Variants in RAB38 observed in about 807,000 individuals in gnomAD.
RAB38 encodes the protein ras-related protein Rab-38.
In RAB38, 15 loss-of-function variants were observed where a neutral mutation model predicts 18.4. The ratio of observed to expected loss-of-function variants is 0.82; its 90% CI spans 0.55 to 1.26. RAB38 has a LOEUF of 1.26. RAB38 is among the 50% of genes most tolerant of loss of function. RAB38 has a pLI of 0.00. For synonymous variants in RAB38, 101 were observed against 104.4 expected (o/e 0.97, Z 0.20); for missense variants, 294 against 267.4 (o/e 1.10, Z -0.69).
chr11:87,860,648 C>T, the RAB38 span, among the ~76,000 whole-genome samples: 4 of 151,702 alleles, frequency 2.6e-5, no homozygotes, highest in Middle Eastern at 3.4e-3. Context: ...GCTGAGTGAC[C>T]GATTGTTTCA....
chr11:87,947,094 G>C, the RAB38 span, among the ~76,000 whole-genome samples: 10 of 152,138 alleles, frequency 6.6e-5, no homozygotes, highest in Non-Finnish European at 1.2e-4. Context: ...TAACTGGTGT[G>C]AGATGGTATC....
chr11:87,910,047 A>C, the RAB38 span, among the ~76,000 whole-genome samples: 28 of 152,198 alleles, frequency 1.8e-4, 1 homozygote, highest in African/African-American at 6.5e-4. Context: ...AGTTTCATTT[A>C]CTCAGCACCC....
chr11:88,108,069 C>G, the RAB38 span, among the ~76,000 whole-genome samples: 2 of 151,954 alleles, frequency 1.3e-5, no homozygotes, highest in Non-Finnish European at 2.9e-5. Context: ...ATAAGTGCAA[C>G]GTGGTGCTAA....
chr11:88,099,623 A>C, the RAB38 span, among the ~76,000 whole-genome samples: 25 of 151,994 alleles, frequency 1.6e-4, no homozygotes, highest in Middle Eastern at 0.014. Context: ...CTCCTCACCC[A>C]AACACATAGC....
At chr11:87,865,822 A>G in the RAB38 span, among the ~76,000 whole-genome samples, 1 of 151,774 alleles carries the variant, frequency 6.6e-6, no homozygotes, top group Non-Finnish European at 1.5e-5. Flanking sequence ...ATTTGTAGTC[A>G]CTAGAATTTC....
the RAB38 span, among the ~76,000 whole-genome samples, chr11:87,951,562 C>T: frequency 6.6e-6 from 1 of 151,922 alleles, no homozygotes. Flanking sequence ...TGGTCATGTA[C>T]AGATGGGGTT....
the RAB38 span, among the ~76,000 whole-genome samples, chr11:87,957,749 G>C: frequency 6.6e-6 from 1 of 152,012 alleles, no homozygotes; most frequent in Non-Finnish European, 1.5e-5. Flanking sequence ...TATAATCTGA[G>C]GTGGGGAGAA....
At chr11:87,948,238 T>C in the RAB38 span, among the ~76,000 whole-genome samples, 1,815 of 152,324 alleles carry the variant, frequency 0.012, 33 homozygotes, top group African/African-American at 0.042. Flanking sequence ...TTTTTGCACA[T>C]TGATTTTGTA....
chr11:88,088,382 A>G, the RAB38 span, among the ~76,000 whole-genome samples: 1 of 151,892 alleles, frequency 6.6e-6, no homozygotes, highest in South Asian at 2.1e-4. Flanking sequence ...GGACAGTTGT[A>G]CCCAATTAGT....
chr11:88,058,838 C>T, the RAB38 span, among the ~76,000 whole-genome samples: 1 of 152,278 alleles, frequency 6.6e-6, no homozygotes, highest in East Asian at 1.9e-4. Flanking sequence ...TTTTGCACAT[C>T]AAGACATTAA....
chr11:88,073,300 C>A, the RAB38 span, among the ~76,000 whole-genome samples: 1 of 152,140 alleles, frequency 6.6e-6, no homozygotes, highest in East Asian at 1.9e-4. Flanking sequence ...CAGAACCATG[C>A]TACAGGAAGT....
chr11:87,819,740 A>G, the RAB38 span, among the ~76,000 whole-genome samples: 1 of 129,578 alleles, frequency 7.7e-6, no homozygotes, highest in African/African-American at 3.1e-5. Flanking sequence ...ATATGTGTAT[A>G]TATATATATA....
At chr11:87,915,809 A>G in the RAB38 span, among the ~76,000 whole-genome samples, 1 of 152,122 alleles carries the variant, frequency 6.6e-6, no homozygotes, top group South Asian at 2.1e-4. Flanking sequence ...CTGAATCAAG[A>G]CTGCTTTCTG....
chr11:87,821,205 G>C, the RAB38 span, among the ~76,000 whole-genome samples: 1 of 152,096 alleles, frequency 6.6e-6, no homozygotes, highest in Non-Finnish European at 1.5e-5. Context: ...AAAGAACAAA[G>C]CACATTTTAA....
At chr11:87,828,981 T>C in the RAB38 span, among the ~76,000 whole-genome samples, 96 of 152,344 alleles carry the variant, frequency 6.3e-4, no homozygotes, top group African/African-American at 2.2e-3. Flanking sequence ...ATTTGGGACT[T>C]AAAAACTCGA....
the RAB38 span, among the ~76,000 whole-genome samples, chr11:87,913,840 C>T: frequency 7.2e-5 from 11 of 152,212 alleles, no homozygotes; most frequent in African/African-American, 2.6e-4. Flanking sequence ...ATGCTCAGCC[C>T]CTTCTGTGTG....
chr11:87,811,551 C>G, the RAB38 span, among the ~76,000 whole-genome samples: 12 of 152,212 alleles, frequency 7.9e-5, no homozygotes, highest in East Asian at 1.9e-3. Context: ...GCAGGGCCCT[C>G]TATTTGGAAT....
At chr11:87,877,461 T>C in the RAB38 span, among the ~76,000 whole-genome samples, 1 of 151,540 alleles carries the variant, frequency 6.6e-6, no homozygotes, top group African/African-American at 2.4e-5. Flanking sequence ...CCCACACCCA[T>C]GCTATCTCCT....
chr11:88,013,025 A>C, the RAB38 span, among the ~76,000 whole-genome samples: 1 of 152,204 alleles, frequency 6.6e-6, no homozygotes, highest in Non-Finnish European at 1.5e-5. Flanking sequence ...TCTCATGTGC[A>C]AAATGAGATG....
Sources: gnomAD v4.1 joint callset for allele counts (sites outside exome capture counted in the v4.1 genomes callset) on GRCh38, gnomAD v4.1.1 for gene constraint, MANE v1.5 for transcripts, NCBI Gene and HGNC (gene_info 2026-07-23, HGNC 2026-07-21) for gene names.